Variants in PCP4 observed in about 807,000 individuals in gnomAD.
The protein encoded by PCP4 is calmodulin regulator protein PCP4.
A neutral mutation model predicts 10.0 loss-of-function variants in PCP4; 8 were observed. The observed-to-expected ratio is 0.80, with a 90% CI of 0.47 to 1.45. PCP4 has a LOEUF of 1.45. PCP4 is among the 40% of genes most tolerant of loss of function. The pLI, the probability that PCP4 is intolerant of heterozygous loss-of-function variation, is 0.00. For missense variants in PCP4, 54 were observed against 74.4 expected (o/e 0.73, Z 1.01); for synonymous variants, 21 against 23.0 (o/e 0.91, Z 0.24).
chr21:39,915,494 A>G (rs2087564746), intron 2 of PCP4, among the ~76,000 whole-genome samples: 1 of 152,242 alleles, frequency 6.6e-6, no homozygotes, highest in Non-Finnish European at 1.5e-5. Flanking sequence ...CCCCAAGATA[A>G]CAACTGCTTA....
chr21:39,923,402 A>T (rs2087606228), intron 2 of PCP4, among the ~76,000 whole-genome samples: 1 of 152,154 alleles, frequency 6.6e-6, no homozygotes, highest in African/African-American at 2.4e-5. Context: ...ATTGACTGAA[A>T]ATGGGCTGCT....
At chr21:39,911,125 G>C (rs925793689) in intron 2 of PCP4, among the ~76,000 whole-genome samples, 4 of 152,100 alleles carry the variant, frequency 2.6e-5, no homozygotes, top group Non-Finnish European at 5.9e-5. Flanking sequence ...GAGTCCACAG[G>C]AGAAATACGA....
Position 39,900,327 on chromosome 21 carries a change from A to G in PCP4, c.61+1800A>G, listed in dbSNP as rs895534284. Reference sequence around the variant, plus strand: ...TGGGATTACAGGTGTGAGCCACTGCACCCAGCCAACATTTTTGTTCTCACA... The same window carrying G: ...TGGGATTACAGGTGTGAGCCACTGCGCCCAGCCAACATTTTTGTTCTCACA... On this transcript the variant is annotated intron_variant, in intron 2 of 2. Coordinates refer to ENST00000328619, the MANE Select transcript of PCP4 (RefSeq NM_006198.3). Among the ~76,000 whole-genome samples, 26 of 152,208 alleles carry G rather than the reference A, an allele frequency of 1.7e-4. 2 individuals carry two copies. The highest frequency in any genetic ancestry group is 9.8e-4 in the Admixed American group (15 of 15,282).
At chr21:39,903,213 A>G (rs1420872342) in intron 2 of PCP4, among the ~76,000 whole-genome samples, 1 of 152,220 alleles carries the variant, frequency 6.6e-6, no homozygotes, top group Non-Finnish European at 1.5e-5. Flanking sequence ...GCTTACTTTC[A>G]GAGCTTGGAG....
chr21:39,880,432 T>C (rs374116362), intron 1 of PCP4, among the ~76,000 whole-genome samples: 1 of 152,206 alleles, frequency 6.6e-6, no homozygotes, highest in South Asian at 2.1e-4. Context: ...GGCATATGTA[T>C]GTGCATGTAC....
intron 2 of PCP4, among the ~76,000 whole-genome samples, chr21:39,920,298 T>TGG (rs35811585): frequency 1.4e-5 from 2 of 143,112 alleles, no homozygotes; most frequent in Non-Finnish European, 3.1e-5. Flanking sequence ...TGTGTGTGTG[T>TGG]GGTGTGTATT....
chr21:39,889,929 G>C (rs1361423329), intron 1 of PCP4, among the ~76,000 whole-genome samples: 1 of 152,106 alleles, frequency 6.6e-6, no homozygotes, highest in Non-Finnish European at 1.5e-5. Flanking sequence ...AAGTGTACTG[G>C]GCTGAATTAT....
At chr21:39,910,566 C>T (rs1355856483) in intron 2 of PCP4, among the ~76,000 whole-genome samples, 1 of 152,150 alleles carries the variant, frequency 6.6e-6, no homozygotes, top group Non-Finnish European at 1.5e-5. Flanking sequence ...GATTATAATG[C>T]ATTTGCTGGT....
At chr21:39,896,389 C>G (rs369165746) in intron 1 of PCP4, among the ~76,000 whole-genome samples, 1 of 152,164 alleles carries the variant, frequency 6.6e-6, no homozygotes, top group Admixed American at 6.5e-5. Context: ...TGTTCCATCT[C>G]GGATTTGGTC....
At chr21:39,921,111 G>A (rs1030779566) in intron 2 of PCP4, among the ~76,000 whole-genome samples, 4 of 152,300 alleles carry the variant, frequency 2.6e-5, no homozygotes, top group East Asian at 1.9e-4. Flanking sequence ...ACCACTCGCC[G>A]AACTCATGAA....
intron 1 of PCP4, among the ~76,000 whole-genome samples, chr21:39,891,357 C>T (rs1160264240): frequency 6.6e-6 from 1 of 152,176 alleles, no homozygotes; most frequent in Non-Finnish European, 1.5e-5. Context: ...CACCTCCACC[C>T]CTTGCCTTGG....
At chr21:39,893,934 G>C (rs117660898) in intron 1 of PCP4, among the ~76,000 whole-genome samples, 1 of 152,270 alleles carries the variant, frequency 6.6e-6, no homozygotes, top group Non-Finnish European at 1.5e-5. Flanking sequence ...CACCAGGGAC[G>C]CTGATTTCAG....
intron 2 of PCP4, among the ~76,000 whole-genome samples, chr21:39,921,502 A>G (rs2087596382): frequency 6.6e-6 from 1 of 152,238 alleles, no homozygotes; most frequent in Non-Finnish European, 1.5e-5. Context: ...TTAAATTCTG[A>G]TTCTCTATGA....
chr21:39,888,474 A>C (rs1019954988), intron 1 of PCP4, among the ~76,000 whole-genome samples: 1 of 152,200 alleles, frequency 6.6e-6, no homozygotes, highest in Non-Finnish European at 1.5e-5. Flanking sequence ...TGTGGCCAGT[A>C]GGAGGCATGG....
chr21:39,891,216 T>A (rs1283363671), intron 1 of PCP4, among the ~76,000 whole-genome samples: 3 of 152,184 alleles, frequency 2.0e-5, no homozygotes, highest in Non-Finnish European at 2.9e-5. Context: ...ATGTGCTGAG[T>A]CAGACACCTC....
At chr21:39,922,982 G>T (rs935909496) in intron 2 of PCP4, among the ~76,000 whole-genome samples, 7 of 152,232 alleles carry the variant, frequency 4.6e-5, no homozygotes, top group Non-Finnish European at 1.0e-4. Flanking sequence ...TAGTGGAGTG[G>T]GAATTGCTGT....
At chr21:39,877,032 C>T (rs571287754) in intron 1 of PCP4, among the ~76,000 whole-genome samples, 28 of 152,320 alleles carry the variant, frequency 1.8e-4, no homozygotes, top group African/African-American at 6.0e-4. Context: ...GAGTGTCCAA[C>T]GATGAATCTT....
Position 39,929,317 on chromosome 21 carries a change from AT to A in PCP4, c.*207del. ...TGGAATTGTGAGTAGCTTAATCTCT[AT>A]GTTTCTCTCCATTTTCATTCCTCCT... is the stretch of plus-strand genomic sequence containing the variant. On this transcript the variant is annotated 3_prime_UTR_variant, in exon 3 of 3. Coordinates refer to ENST00000328619, the MANE Select transcript of PCP4 (RefSeq NM_006198.3). 2.6e-6 allele frequency: 1 copy of A among 390,924 alleles called. No individual in the cohort carries two copies. The highest frequency in any genetic ancestry group is 3.8e-5 in the East Asian group (1 of 26,256). 24.2% of individuals were successfully genotyped at this position (390,924 alleles called of 1,614,324 possible).
rs1213512694 is a variant in PCP4 at position 39,911,416 on chromosome 21, G to A, written c.61+12889G>A. On this transcript the variant is annotated intron_variant, in intron 2 of 2. Transcript: ENST00000328619. ...AAGGAGGCTGGCACCCCAGTGACTG[G>A]CCTCGAGGTGAGCACAGGTGTAGAC... is the stretch of plus-strand genomic sequence containing the variant. Among the ~76,000 whole-genome samples, 3 of 152,278 alleles carry A rather than the reference G, an allele frequency of 2.0e-5. No individual in the cohort carries two copies. The East Asian group carries it at 5.8e-4, about 29-fold the overall frequency.
Sources: gnomAD v4.1 joint callset for allele counts (sites outside exome capture counted in the v4.1 genomes callset) on GRCh38, gnomAD v4.1.1 for gene constraint, MANE v1.5 for transcripts, NCBI Gene and HGNC (gene_info 2026-07-23, HGNC 2026-07-21) for gene names.